The following ATP1B3 variants were observed in gnomAD, a reference collection of about 807,000 sequenced individuals.
ATP1B3 encodes the protein sodium/potassium-transporting ATPase subunit beta-3.
In ATP1B3, 10 loss-of-function variants were observed where a neutral mutation model predicts 30.2. The ratio of observed to expected loss-of-function variants is 0.33; its 90% CI spans 0.20 to 0.56. ATP1B3 has a LOEUF of 0.56. ATP1B3 is among the 20% of genes least tolerant of loss of function. The pLI, the probability that ATP1B3 is intolerant of heterozygous loss-of-function variation, is 0.90. For missense variants in ATP1B3, 238 were observed against 336.7 expected, an observed-to-expected ratio of 0.71 and a Z score of 2.29; for synonymous variants, 113 against 117.0, an observed-to-expected ratio of 0.97 and a Z score of 0.22.
chr3:141,890,255 T>A (rs1050721474), intron 1 of ATP1B3, among the ~76,000 whole-genome samples: 1 of 147,302 alleles, frequency 6.8e-6, no homozygotes, highest in African/African-American at 2.5e-5. Flanking sequence ...GCTAATTTTT[T>A]GATTTTTGTT....
At chr3:141,880,358 C>T (rs914677328) in intron 1 of ATP1B3, among the ~76,000 whole-genome samples, 2 of 152,018 alleles carry the variant, frequency 1.3e-5, no homozygotes, top group African/African-American at 4.8e-5. Flanking sequence ...AACGTAAAGC[C>T]AACTAGTTGG....
chr3:141,925,410 C>A, intron 6 of ATP1B3, 121 bp from the exon 7 acceptor site: 1 of 1,026,008 alleles, frequency 9.7e-7, no homozygotes, highest in Non-Finnish European at 1.4e-6. Flanking sequence ...AATTGCACCA[C>A]TGCACTGCAG....
chr3:141,879,624 A>C lies in ATP1B3; in HGVS notation c.109+2714A>C, dbSNP rs190167618. On this transcript the variant is annotated intron_variant, in intron 1 of 6. Coordinates refer to ENST00000286371, the MANE Select transcript of ATP1B3 (RefSeq NM_001679.4). Reference sequence around the variant, plus strand: ...CTGTCTCTACTAAAAATGAAAAAAAAAAAAATTAGCCGGGTGTGGTGGCAC... The same window carrying C: ...CTGTCTCTACTAAAAATGAAAAAAACAAAAATTAGCCGGGTGTGGTGGCAC... 2.0e-5 allele frequency among the ~76,000 whole-genome samples: 3 copies of C among 151,708 alleles called. No homozygotes were observed. In the South Asian group the frequency reaches 6.3e-4, roughly 32 times the overall value.
intron 3 of ATP1B3, among the ~76,000 whole-genome samples, chr3:141,910,240 G>GGT: frequency 6.6e-6 from 1 of 152,158 alleles, no homozygotes; most frequent in Non-Finnish European, 1.5e-5. Context: ...CCAAAGTGCT[G>GGT]GGATTACAGG....
chr3:141,903,565 T>G, intron 1 of ATP1B3, 55 bp from the exon 2 acceptor site: 2 of 1,604,664 alleles, frequency 1.2e-6, no homozygotes, highest in Non-Finnish European at 1.7e-6. Flanking sequence ...TGGCCAAACA[T>G]GCATACACAC....
intron 1 of ATP1B3, among the ~76,000 whole-genome samples, chr3:141,890,200 C>A (rs1467948944): frequency 7.0e-5 from 10 of 143,836 alleles, no homozygotes; most frequent in Non-Finnish European, 1.2e-4. Flanking sequence ...CCTCCTGCCT[C>A]GCCTCCTGAG....
intron 2 of ATP1B3, among the ~76,000 whole-genome samples, chr3:141,905,026 T>C (rs1302412256): frequency 1.3e-5 from 2 of 152,150 alleles, no homozygotes; most frequent in African/African-American, 2.4e-5. Context: ...AGTCTTTGAA[T>C]GCCAGCTCTC....
At chr3:141,911,501 T>C (rs1934359226) in intron 3 of ATP1B3, among the ~76,000 whole-genome samples, 1 of 151,830 alleles carries the variant, frequency 6.6e-6, no homozygotes, top group African/African-American at 2.4e-5. Context: ...TCTTTTTTTT[T>C]TTTTTTCTTC....
intron 3 of ATP1B3, 74 bp downstream of exon 3, chr3:141,907,348 G>A (rs958975631): frequency 8.6e-6 from 10 of 1,158,258 alleles, no homozygotes; most frequent in South Asian, 5.6e-5. Flanking sequence ...GGCCGGGCAC[G>A]GTAGCTCACG....
chr3:141,903,468 G>T, intron 1 of ATP1B3, 152 bp from the exon 2 acceptor site: 1 of 1,136,782 alleles, frequency 8.8e-7, no homozygotes, highest in African/African-American at 1.6e-5. Flanking sequence ...GCAAATTTAT[G>T]TGTCCTGAAT....
intron 5 of ATP1B3, among the ~76,000 whole-genome samples, chr3:141,919,304 G>A (rs1934524548): frequency 6.7e-6 from 1 of 149,526 alleles, no homozygotes; most frequent in South Asian, 2.1e-4. Context: ...TCTCCATAGA[G>A]ACAGGGTGTC....
At chr3:141,907,884 CTAAA>C (rs1934290247) in intron 3 of ATP1B3, among the ~76,000 whole-genome samples, 1 of 151,918 alleles carries the variant, frequency 6.6e-6, no homozygotes, top group South Asian at 2.1e-4. Context: ...TGCATTAAAA[CTAAA>C]TATTTTAATT....
chr3:141,907,957 C>T (rs1934291010), intron 3 of ATP1B3, among the ~76,000 whole-genome samples: 1 of 148,154 alleles, frequency 6.7e-6, no homozygotes, highest in African/African-American at 2.5e-5. Flanking sequence ...TTTTTTTTTG[C>T]CATTTTATTT....
chr3:141,919,666 C>T (rs1261212626), intron 5 of ATP1B3, among the ~76,000 whole-genome samples: 1 of 152,146 alleles, frequency 6.6e-6, no homozygotes, highest in African/African-American at 2.4e-5. Flanking sequence ...TTGCCGGACG[C>T]GGTGGCTTTC....
At chr3:141,882,901 G>A (rs111611724) in intron 1 of ATP1B3, among the ~76,000 whole-genome samples, 5 of 152,116 alleles carry the variant, frequency 3.3e-5, no homozygotes, top group African/African-American at 1.2e-4. Flanking sequence ...AGTTTTTAAT[G>A]TTCTTATAAC....
intron 1 of ATP1B3, among the ~76,000 whole-genome samples, chr3:141,895,188 CTTT>C (rs1176839559): frequency 1.6e-5 from 2 of 121,428 alleles, no homozygotes; most frequent in Non-Finnish European, 1.8e-5. Context: ...TCTTTCTTTT[CTTT>C]TTTTTTTTTT....
At chr3:141,918,939 G>A (rs541838449) in intron 5 of ATP1B3, 2 of 152,136 alleles carry the variant, frequency 1.3e-5, no homozygotes, top group African/African-American at 4.8e-5. Flanking sequence ...TTATTTAGTT[G>A]TGGATTTTTT....
intron 5 of ATP1B3, among the ~76,000 whole-genome samples, chr3:141,917,771 ATT>A (rs751369430): frequency 5.0e-5 from 7 of 140,980 alleles, no homozygotes; most frequent in African/African-American, 5.2e-5. Flanking sequence ...ATTTTATTTT[ATT>A]TTTTTTTTTT....
intron 2 of ATP1B3, 102 bp from the exon 3 acceptor site, chr3:141,907,065 C>T: frequency 1.3e-6 from 1 of 777,122 alleles, no homozygotes; most frequent in Non-Finnish European, 2.0e-6. Context: ...ATACTGTCAA[C>T]ACAATTTTCC....
Sources: gnomAD v4.1 joint callset for allele counts (sites outside exome capture counted in the v4.1 genomes callset) on GRCh38, gnomAD v4.1.1 for gene constraint, MANE v1.5 for transcripts, NCBI Gene and HGNC (gene_info 2026-07-23, HGNC 2026-07-21) for gene names.